Variants in ZNF276 observed in about 807,000 individuals in gnomAD.
ZNF276 encodes centromere protein Z.
Under a neutral mutation model 63.9 loss-of-function variants are expected in ZNF276, and 59 were observed. That is an observed-to-expected ratio of 0.92 (90% CI 0.75 to 1.15). The LOEUF (loss-of-function observed/expected upper bound fraction) is 1.15, where lower values mean the gene tolerates loss of function less well. Among genes scored for constraint, ZNF276 ranks in the 50% most tolerant of loss-of-function variants. The pLI, the probability that ZNF276 is intolerant of heterozygous loss-of-function variation, is 0.00. For missense variants in ZNF276, 1,084 were observed against 843.8 expected (o/e 1.28, Z -3.53); for synonymous variants, 496 against 348.4 (o/e 1.42, Z -4.72).
upstream of ZNF276, chr16:89,720,478 G>C: frequency 5.4e-6 from 6 of 1,103,910 alleles, no homozygotes; most frequent in Non-Finnish European, 6.6e-6. Flanking sequence ...GTGGCCTGGC[G>C]GACCCTCCTG....
chr16:89,723,134 C>G lies in ZNF276; in HGVS notation c.510-3C>G. The G allele has an allele frequency of 1.2e-6, 2 of 1,613,226 alleles. No homozygotes were observed. Among genetic ancestry groups the G allele is most frequent in the Non-Finnish European group, 1.7e-6 (2 of 1,180,032 alleles). Reference sequence around the variant, plus strand: ...TGCTCATGGCCACACTGATCCTTTGCAGGGTCGGTGCCCAGCCCCCAACAG... The same window carrying G: ...TGCTCATGGCCACACTGATCCTTTGGAGGGTCGGTGCCCAGCCCCCAACAG... On this transcript the variant is annotated splice_polypyrimidine_tract_variant and splice_region_variant and intron_variant, in intron 2 of 10. Transcript: ENST00000443381.
chr16:89,740,636 C>CA lies in ZNF276; in HGVS notation c.*2408dup, dbSNP rs371709074. The CA allele has an allele frequency of 0.18, 80,587 of 446,986 alleles. 11 individuals carry two copies. The highest frequency in any genetic ancestry group is 0.21 in the Middle Eastern group (378 of 1,760). 27.7% of individuals were successfully genotyped at this position (446,986 alleles called of 1,614,324 possible). ...GGGTGACAGAGTGAGACCCCCATCT[C>CA]AAAAAAAAAAAAAAAAAACCCACGG... On this transcript the variant is annotated 3_prime_UTR_variant, in exon 11 of 11. Transcript: ENST00000443381.
At position 89,738,670 on chromosome 16, in the gene ZNF276, G is replaced by C. The variant is rs568293451; in HGVS notation, c.*424G>C. 1.1e-5 allele frequency: 17 copies of C among 1,613,744 alleles called. No individual in the cohort carries two copies. Among genetic ancestry groups the C allele is most frequent in the Non-Finnish European group, 1.7e-6 (2 of 1,180,012 alleles). Reference sequence around the variant, plus strand: ...CCTGCTGTCTGCTCTGGAGGGCGGCGCTCACCTCTGGGTCGCAGTCCCCAC... The same window carrying C: ...CCTGCTGTCTGCTCTGGAGGGCGGCCCTCACCTCTGGGTCGCAGTCCCCAC... On this transcript the variant is annotated 3_prime_UTR_variant, in exon 11 of 11. Transcript: ENST00000443381.
intron 6 of ZNF276, chr16:89,732,153 C>G (rs1350935587): frequency 7.9e-6 from 1 of 126,854 alleles, no homozygotes; most frequent in Admixed American, 8.6e-5. Flanking sequence ...AAAGGAACCA[C>G]AAGTGCGTCT....
chr16:89,731,219 C>T (rs4785593), intron 6 of ZNF276, among the ~76,000 whole-genome samples: 111,353 of 152,172 alleles, frequency 0.73, 40,913 homozygotes, highest in Admixed American at 0.8. Flanking sequence ...GGAGAGAAGG[C>T]GCAGCCTGTG....
At chr16:89,725,895 C>A (rs1234766826) in intron 4 of ZNF276, among the ~76,000 whole-genome samples, 2 of 152,194 alleles carry the variant, frequency 1.3e-5, no homozygotes, top group African/African-American at 2.4e-5. Context: ...GATCCTTCTG[C>A]CTTGGCCTCC....
At chr16:89,737,641 G>A (rs1205830311) in intron 9 of ZNF276, 165 bp from the exon 10 acceptor site, 1 of 1,363,334 alleles carries the variant, frequency 7.3e-7, no homozygotes, top group African/African-American at 1.5e-5. Context: ...GCAGTTTAAA[G>A]ATCTTAATAA....
intron 6 of ZNF276, chr16:89,732,944 C>G (rs1238304631): frequency 5.7e-6 from 2 of 352,018 alleles, no homozygotes; most frequent in Admixed American, 4.1e-5. Context: ...ACCCTGCGCC[C>G]TCATCCTCTG....
Position 89,740,264 on chromosome 16 carries a change from G to C in ZNF276, c.*2018G>C. 1 of 682,448 alleles carries C rather than the reference G, an allele frequency of 1.5e-6. No individual in the cohort carries two copies. Among genetic ancestry groups the C allele is most frequent in the African/African-American group, 1.8e-5 (1 of 56,896 alleles). The allele number at this position is 682,448 out of a possible 1,614,324, so 42.3% of individuals were successfully genotyped here. On this transcript the variant is annotated 3_prime_UTR_variant, in exon 11 of 11. Transcript: ENST00000443381. ...GAAGGTAATACTGGGCCTCTGGACA[G>C]AAGAGGCTCAGGTAGGAGGCCAGGG...
chr16:89,721,946 C>G (rs1251984519), intron 1 of ZNF276, 101 bp downstream of exon 1: 1 of 836,916 alleles, frequency 1.2e-6, no homozygotes, highest in African/African-American at 1.8e-5. Context: ...CTCTCCTCCA[C>G]CCGGCCAAGG....
chr16:89,720,562 G>C (rs770976288), upstream of ZNF276: 3 of 1,183,238 alleles, frequency 2.5e-6, no homozygotes, highest in African/African-American at 1.6e-5. Context: ...GCCAAGGTCC[G>C]CAGGATCTGA....
intron 4 of ZNF276, among the ~76,000 whole-genome samples, chr16:89,724,199 C>T (rs2061398863): frequency 6.6e-6 from 1 of 152,232 alleles, no homozygotes; most frequent in Non-Finnish European, 1.5e-5. Context: ...AAACACAAGG[C>T]CCTTGTTTGG....
chr16:89,733,191 G>C (rs1219366780), intron 6 of ZNF276, 111 bp from the exon 7 acceptor site: 1 of 1,032,234 alleles, frequency 9.7e-7, no homozygotes, highest in Non-Finnish European at 1.5e-6. Flanking sequence ...AGTCAGCACA[G>C]AAGCAACTCA....
intron 6 of ZNF276, among the ~76,000 whole-genome samples, chr16:89,731,070 T>G (rs560114485): frequency 2.0e-5 from 3 of 152,324 alleles, no homozygotes; most frequent in South Asian, 4.1e-4. Flanking sequence ...CTCTGAAGCC[T>G]CCTGTGCTGA....
intron 2 of ZNF276, 123 bp downstream of exon 2, chr16:89,722,957 G>A (rs1157012253): frequency 5.8e-6 from 9 of 1,557,648 alleles, no homozygotes; most frequent in Non-Finnish European, 7.8e-6. Context: ...CCATGCCCGG[G>A]TTCAGTGCCA....
Position 89,723,700 on chromosome 16 carries a change from A to C in ZNF276, c.997A>C (p.Arg333=), listed in dbSNP as rs1285656753. ...ACCTCAGCCAAGCCTGCCCCTTTGC[A>C]GGGCCCCAGGTAGGAGGCACCTCTT... The part of the protein sequence containing the change: ...FPPQPSLPLC[R]APGQLGEKQL... Residue 333 remains arginine, a synonymous_variant, in exon 4 of 11, where the codon AGG becomes CGG. Transcript: ENST00000443381. 1 of 1,609,346 alleles carries C rather than the reference A, an allele frequency of 6.2e-7. No individual in the cohort carries two copies. The highest frequency in any genetic ancestry group is 8.5e-7 in the Non-Finnish European group (1 of 1,177,910).
chr16:89,721,444 C>A, upstream of ZNF276: 1 of 467,028 alleles, frequency 2.1e-6, no homozygotes, highest in Non-Finnish European at 3.6e-6. Flanking sequence ...GGGGCGCTGG[C>A]ACCGCGGGTG....
At chr16:89,721,502 C>CCGCCTCGCTCGCCTCGCT, upstream of ZNF276, 3 of 878,430 alleles carry the variant, frequency 3.4e-6, no homozygotes, top group Non-Finnish European at 4.8e-6. Context: ...CCCGCCCCGC[C>CCGCCTCGCTCGCCTCGCT]CGCCTCGCTT....
rs1486160352 is a variant in ZNF276 at position 89,739,114 on chromosome 16, G to A, written c.*868G>A. 2 of 1,614,060 alleles carry A rather than the reference G, an allele frequency of 1.2e-6. No homozygotes were observed. Among genetic ancestry groups the A allele is most frequent in the Middle Eastern group, 1.6e-4 (1 of 6,062 alleles). On this transcript the variant is annotated 3_prime_UTR_variant, in exon 11 of 11. Coordinates refer to ENST00000443381, the MANE Select transcript of ZNF276 (RefSeq NM_001113525.2). The stretch of plus-strand genomic sequence containing the variant: ...CTGGGGGGAGCTCCCCTGGAGGTGG[G>A]ACTGGCCCTTGCACCTGCCTGACCC...
Sources: allele counts gnomAD v4.1 joint callset (sites outside exome capture counted in the v4.1 genomes callset), GRCh38; gene constraint gnomAD v4.1.1; transcripts MANE v1.5; gene names NCBI Gene and HGNC (gene_info 2026-07-23, HGNC 2026-07-21).